Variants in DDX1 observed in about 807,000 individuals in gnomAD.
DDX1 encodes DEAD-box helicase 1, also known as ATP-dependent RNA helicase DDX1.
In DDX1, 28 loss-of-function variants were observed where a neutral mutation model predicts 108.7. The ratio of observed to expected loss-of-function variants is 0.26; its 90% CI spans 0.19 to 0.35. The LOEUF is 0.35. Ranked by LOEUF, DDX1 falls within the 10% of genes least tolerant of loss-of-function variation. The pLI is 1.00. For missense variants in DDX1, 710 were observed against 884.5 expected (o/e 0.80, Z 2.50); for synonymous variants, 295 against 288.9 (o/e 1.02, Z -0.21).
intron 5 of DDX1, among the ~76,000 whole-genome samples, chr2:15,598,233 G>A (rs901608073): frequency 5.9e-5 from 9 of 152,248 alleles, no homozygotes; most frequent in African/African-American, 2.2e-4. Flanking sequence ...CTTTTCAGTT[G>A]TTTGAAAGTA....
intron 5 of DDX1, among the ~76,000 whole-genome samples, chr2:15,597,880 T>C (rs562784956): frequency 7.9e-5 from 12 of 151,880 alleles, no homozygotes; most frequent in African/African-American, 2.7e-4. Context: ...AACAGAGGCA[T>C]TTTTTTTCCT....
chr2:15,612,884 G>C (rs998157897), intron 13 of DDX1, among the ~76,000 whole-genome samples: 4 of 151,592 alleles, frequency 2.6e-5, no homozygotes, highest in African/African-American at 4.8e-5. Flanking sequence ...GCGCGTGCCT[G>C]CAATCGCAGG....
At chr2:15,612,078 G>GA (rs1553341905) in intron 13 of DDX1, among the ~76,000 whole-genome samples, 1 of 125,116 alleles carries the variant, frequency 8.0e-6, no homozygotes, top group African/African-American at 3.4e-5. Context: ...GGGGCGGCTG[G>GA]CTGGCGGGGC....
chr2:15,623,643 T>A, intron 19 of DDX1, 61 bp downstream of exon 19: 1 of 1,405,666 alleles, frequency 7.1e-7, no homozygotes, highest in Non-Finnish European at 1.0e-6. Flanking sequence ...ATTATTAATC[T>A]CATGTTGATG....
At chr2:15,595,652 T>C in intron 3 of DDX1, 99 bp downstream of exon 3, 2 of 869,216 alleles carry the variant, frequency 2.3e-6, no homozygotes, top group South Asian at 1.4e-5. Context: ...CAAACATTTA[T>C]GATACATATA....
intron 5 of DDX1, 25 bp downstream of exon 5, chr2:15,597,496 C>G (rs1204459736): frequency 7.1e-7 from 1 of 1,417,190 alleles, no homozygotes; most frequent in Non-Finnish European, 9.9e-7. Flanking sequence ...TTGATATTTC[C>G]TTTTATATAA....
rs529485033 is a variant in DDX1 at position 15,615,514 on chromosome 2, C to T, written c.1018-1730C>T. ...TCTTAATACATTGGACAGATTTTAT[C>T]TTCACATTTTCAGACAATATTTTCT... On this transcript the variant is annotated intron_variant, in intron 14 of 25. Transcript: ENST00000233084. 4.7e-5 allele frequency among the ~76,000 whole-genome samples: 7 copies of T among 150,424 alleles called. No individual in the cohort carries two copies. The East Asian group carries it at 1.4e-3, about 30-fold the overall frequency.
chr2:15,605,577 A>G (rs1319177438), intron 10 of DDX1, among the ~76,000 whole-genome samples: 1 of 152,196 alleles, frequency 6.6e-6, no homozygotes, highest in Admixed American at 6.5e-5. Context: ...GAGATGAAAG[A>G]AAGTGGATAC....
chr2:15,619,059 G>A (rs1248486480), intron 16 of DDX1, among the ~76,000 whole-genome samples: 2 of 152,164 alleles, frequency 1.3e-5, no homozygotes, highest in Non-Finnish European at 2.9e-5. Flanking sequence ...CCATAACTTG[G>A]GCAGCTGCAG....
intron 19 of DDX1, among the ~76,000 whole-genome samples, chr2:15,624,099 A>T (rs1478907759): frequency 6.6e-6 from 1 of 152,172 alleles, no homozygotes; most frequent in East Asian, 1.9e-4. Context: ...GGATTGTTGG[A>T]CTGGATGAAA....
intron 2 of DDX1, 95 bp from the exon 3 acceptor site, chr2:15,595,395 C>T (rs538921744): frequency 2.7e-5 from 28 of 1,053,062 alleles, no homozygotes; most frequent in Non-Finnish European, 3.7e-5. Context: ...GTATTTACCA[C>T]GTAAAATTTT....
chr2:15,625,080 A>G (rs1163154145), intron 19 of DDX1, among the ~76,000 whole-genome samples: 3 of 152,066 alleles, frequency 2.0e-5, no homozygotes, highest in Non-Finnish European at 4.4e-5. Context: ...GAATGGATAA[A>G]TAAAGTGTGA....
In DDX1 at chr2:15,620,255, G is replaced by A. The variant is rs777633576; in HGVS notation, c.1254G>A (p.Leu418=). Residue 418 remains leucine (L), a synonymous_variant, in exon 17 of 26, where the codon CTG becomes CTA. Coordinates refer to ENST00000233084, the MANE Select transcript of DDX1 (RefSeq NM_004939.3). The part of the protein sequence containing the change: ...ATLHSFDVKK[L]SEKIMHFPTW... Reference sequence around the variant, plus strand: ...TGCATTCTTTCGATGTAAAGAAACTGTCCGAGAAGATAATGCATTTTCCTA... The same window carrying A: ...TGCATTCTTTCGATGTAAAGAAACTATCCGAGAAGATAATGCATTTTCCTA... The A allele has an allele frequency of 6.2e-7, 1 of 1,614,100 alleles. No homozygotes were observed. The highest frequency in any genetic ancestry group is 1.7e-5 in the Admixed American group (1 of 60,024).
At chr2:15,604,926 G>C (rs149968791) in intron 10 of DDX1, among the ~76,000 whole-genome samples, 1 of 152,240 alleles carries the variant, frequency 6.6e-6, no homozygotes, top group Non-Finnish European at 1.5e-5. Flanking sequence ...TTCTGCAAAG[G>C]GAATAGTAAA....
rs767760583 is a variant in DDX1, at chr2:15,630,876, C to T, written c.2193C>T (p.Tyr731=). ...AGACATCTTTCCTGCATCTTGGCTA[C>T]CTTCCTAACCAGCTGTTCAGAACCT... ...EAQTSFLHLG[Y]LPNQLFRTF Residue 731 remains tyrosine (Y), a synonymous_variant, in exon 26 of 26, where the codon TAC becomes TAT. Coordinates refer to ENST00000233084, the MANE Select transcript of DDX1 (RefSeq NM_004939.3). The T allele has an allele frequency of 6.2e-7, 1 of 1,614,108 alleles. No individual in the cohort carries two copies. Among genetic ancestry groups the T allele is most frequent in the Admixed American group, 1.7e-5 (1 of 60,020 alleles).
rs770527515 is a variant in DDX1 at position 15,602,676 on chromosome 2, T to C, written c.391+45T>C. On this transcript the variant is annotated intron_variant, in intron 7 of 25. Transcript: ENST00000233084. ...ACTTGTATAAACTTTTGAGGCAAGG[T>C]ATTAATACGTGAGGGTTTTTTTGTT... 4.4e-6 allele frequency: 6 copies of C among 1,353,504 alleles called. No individual in the cohort carries two copies. In the East Asian group the frequency reaches 9.2e-5, roughly 21 times the overall value. The allele number at this position is 1,353,504 out of a possible 1,614,324, so 83.8% of individuals were successfully genotyped here. A position where few individuals can be genotyped will look rare whatever the true frequency, so the allele number is the denominator to read the frequency against.
Position 15,631,069 on chromosome 2 carries a change from G to T in DDX1, c.*163G>T. 1 of 551,912 alleles carries T rather than the reference G, an allele frequency of 1.8e-6. No homozygotes were observed. 34.2% of individuals were successfully genotyped at this position (551,912 alleles called of 1,614,324 possible). A position where few individuals can be genotyped will look rare whatever the true frequency, so the allele number is the denominator to read the frequency against. On this transcript the variant is annotated 3_prime_UTR_variant, in exon 26 of 26. Coordinates refer to ENST00000233084, the MANE Select transcript of DDX1 (RefSeq NM_004939.3). ...TAGTCTTAGGAATTCTTCAAAAAAT[G>T]GCATCCCAATGAAAATAAATTTGAT...
At chr2:15,594,177 T>A (rs937053619) in intron 1 of DDX1, among the ~76,000 whole-genome samples, 3 of 152,174 alleles carry the variant, frequency 2.0e-5, no homozygotes, top group Admixed American at 2.0e-4. Flanking sequence ...GCTACATAAT[T>A]TTATGAAGAA....
chr2:15,625,164 T>C (rs1245534841), intron 19 of DDX1, among the ~76,000 whole-genome samples: 1 of 152,134 alleles, frequency 6.6e-6, no homozygotes, highest in East Asian at 1.9e-4. Flanking sequence ...CAATGATGGA[T>C]GAATCTCAGA....
Sources: allele counts gnomAD v4.1 joint callset (sites outside exome capture counted in the v4.1 genomes callset), GRCh38; gene constraint gnomAD v4.1.1; transcripts MANE v1.5; gene names NCBI Gene and HGNC (gene_info 2026-07-23, HGNC 2026-07-21).